The following KLHDC7A variants were observed in gnomAD, a reference collection of about 807,000 sequenced individuals.
KLHDC7A encodes the protein kelch domain containing 7A.
For missense variants in KLHDC7A, 1,123 were observed against 1,052.6 expected (o/e 1.07, Z -0.93); for synonymous variants, 464 against 461.0 (o/e 1.01, Z -0.08).
chr1:18,482,890 T>C lies in KLHDC7A; in HGVS notation c.1909T>C (p.Phe637Leu). ...GGCCACGGTGCGTGCCAAGGAAATC[T>C]TCGTCACCGGCGGCTCGCTGCGCTT... is the stretch of plus-strand genomic sequence containing the variant. Reference protein sequence around the residue: ...HTATVRAKEIFVTGGSLRFLL... With the variant: ...HTATVRAKEILVTGGSLRFLL... Residue 637 changes from phenylalanine (F) to leucine (L), a missense_variant, in exon 1 of 1, where the codon TTC becomes CTC. By Grantham distance (22) the Phe-to-Leu change is conservative. Transcript: ENST00000400664. 1 of 1,611,658 alleles carries C rather than the reference T, an allele frequency of 6.2e-7. No individual in the cohort carries two copies. Among genetic ancestry groups the C allele is most frequent in the Non-Finnish European group, 8.5e-7 (1 of 1,179,636 alleles).
rs1457634873 is a variant in KLHDC7A at position 18,484,048 on chromosome 1, C to T, written c.*733C>T. 34 of 1,303,428 alleles carry T rather than the reference C, an allele frequency of 2.6e-5. No homozygotes were observed. The highest frequency in any genetic ancestry group is 6.1e-5 in the African/African-American group (4 of 65,836). 80.7% of individuals were successfully genotyped at this position (1,303,428 alleles called of 1,614,324 possible). Reference sequence around the variant, plus strand: ...CTGGTGGAGGTCTGCTAAGGATACACGGAGGTCTCAGCAAAGGGAAGAAAC... The same window carrying T: ...CTGGTGGAGGTCTGCTAAGGATACATGGAGGTCTCAGCAAAGGGAAGAAAC... On this transcript the variant is annotated 3_prime_UTR_variant, in exon 1 of 1. Transcript: ENST00000400664.
rs775639853 is a variant in KLHDC7A at position 18,483,242 on chromosome 1, C to T, written c.2261C>T (p.Pro754Leu). 2 of 1,613,942 alleles carry T rather than the reference C, an allele frequency of 1.2e-6. No individual in the cohort carries two copies. The highest frequency in any genetic ancestry group is 1.7e-5 in the Admixed American group (1 of 60,028). The change falls in exon 1 of 1, where the codon CCG (proline) becomes CTG (leucine). Residue 754 changes from proline (P) to leucine (L), a missense_variant. Physicochemically the swap from Pro to Leu is moderately conservative, Grantham distance 98 (BLOSUM62 -3). Coordinates refer to ENST00000400664, the MANE Select transcript of KLHDC7A (RefSeq NM_152375.3). ...GTGCCCAAGGAGCTGCGGAGTTTCC[C>T]GGCCCCGCAGGGCACCCTCCTGCCC... ...RFVPKELRSFPAPQGTLLPTV... is the reference protein window; with the variant it reads ...RFVPKELRSFLAPQGTLLPTV...
Position 18,482,375 on chromosome 1 carries a change from T to C in KLHDC7A, c.1394T>C (p.Val465Ala). 6.2e-7 allele frequency: 1 copy of C among 1,604,168 alleles called. No homozygotes were observed. Among genetic ancestry groups the C allele is most frequent in the Non-Finnish European group, 8.5e-7 (1 of 1,179,932 alleles). Residue 465 changes from valine to alanine, a missense_variant, in exon 1 of 1, where the codon GTG becomes GCG. Val to Ala is a moderately conservative substitution (Grantham distance 64). Transcript: ENST00000400664. ...GTGATGAGCGAAAACTACCTGCAGG[T>C]GCTGCGCAGCCCGGACATCTACGGG... ...YKVMSENYLQVLRSPDIYGCL... is the reference protein window; with the variant it reads ...YKVMSENYLQALRSPDIYGCL...
Position 18,483,192 on chromosome 1 carries a change from A to T in KLHDC7A, c.2211A>T (p.Leu737=). 2 of 1,614,036 alleles carry T rather than the reference A, an allele frequency of 1.2e-6. No individual in the cohort carries two copies. Among genetic ancestry groups the T allele is most frequent in the Non-Finnish European group, 1.7e-6 (2 of 1,180,024 alleles). The change falls in exon 1 of 1, where the codon CTA becomes CTT. Residue 737 remains leucine (L), a synonymous_variant. Coordinates refer to ENST00000400664, the MANE Select transcript of KLHDC7A (RefSeq NM_152375.3). ...CVGRRSTLCF[L]ADSVSPRFVP... is the part of the protein sequence containing the mutation. ...GACGCCGGAGCACCCTCTGCTTCCT[A>T]GCAGACTCTGTCTCACCCAGGTTTG...
Position 18,481,418 on chromosome 1 carries a change from G to A in KLHDC7A, c.437G>A (p.Arg146Lys), listed in dbSNP as rs747667649. Residue 146 changes from arginine to lysine, a missense_variant, in exon 1 of 1, where the codon AGA (arginine) becomes AAA (lysine). Physicochemically the swap from Arg to Lys is conservative, Grantham distance 26 (BLOSUM62 2). Coordinates refer to ENST00000400664, the MANE Select transcript of KLHDC7A (RefSeq NM_152375.3). Reference protein sequence around the residue: ...VPPCCPSQETRTAVGSNPDPP... With the variant: ...VPPCCPSQETKTAVGSNPDPP... ...CCTTGCTGCCCCAGCCAGGAAACCA[G>A]AACAGCTGTTGGCAGTAACCCTGAC... is the stretch of plus-strand genomic sequence containing the variant. 3.7e-6 allele frequency: 6 copies of A among 1,613,772 alleles called. No homozygotes were observed. The highest frequency in any genetic ancestry group is 1.3e-5 in the African/African-American group (1 of 74,944).
At position 18,483,172 on chromosome 1, in the gene KLHDC7A, C is replaced by T. The variant is rs2086910853; in HGVS notation, c.2191C>T (p.Arg731Trp). The T allele has an allele frequency of 1.9e-6, 3 of 1,614,042 alleles. No homozygotes were observed. The highest frequency in any genetic ancestry group is 1.1e-5 in the South Asian group (1 of 91,080). Residue 731 changes from arginine (R) to tryptophan (W), a missense_variant, in exon 1 of 1, where the codon CGG becomes TGG. Physicochemically the swap from Arg to Trp is moderately radical, Grantham distance 101. Transcript: ENST00000400664. ...CAACCTCATCTACTGCGTGGGACGCCGGAGCACCCTCTGCTTCCTAGCAGA... is the reference window on the plus strand; with the variant it reads ...CAACCTCATCTACTGCGTGGGACGCTGGAGCACCCTCTGCTTCCTAGCAGA... ...VDNLIYCVGR[R>W]STLCFLADSV...
Position 18,483,390 on chromosome 1 carries a change from AT to A in KLHDC7A, c.*78del. 1 of 1,550,098 alleles carries A rather than the reference AT, an allele frequency of 6.5e-7. No individual in the cohort carries two copies. On this transcript the variant is annotated 3_prime_UTR_variant, in exon 1 of 1. Transcript: ENST00000400664. ...ACTGCCAGCCGTCCCTCTGGGGGCCATTTCTAGGCAAACAGGCAACCCAGGA... is the reference window on the plus strand; with the variant it reads ...ACTGCCAGCCGTCCCTCTGGGGGCCATTCTAGGCAAACAGGCAACCCAGGA...
rs1359345607 is a variant in KLHDC7A at position 18,482,479 on chromosome 1, T to G, written c.1498T>G (p.Cys500Gly). The G allele has an allele frequency of 1.2e-6, 2 of 1,611,528 alleles. No homozygotes were observed. Among genetic ancestry groups the G allele is most frequent in the African/African-American group, 2.7e-5 (2 of 75,050 alleles). Reference sequence around the variant, plus strand: ...CCAGTACCTGGTGGTGGCTGACGTGTGCCCCAAGGAAGACTCCGGCGGCCT... The same window carrying G: ...CCAGTACCTGGTGGTGGCTGACGTGGGCCCCAAGGAAGACTCCGGCGGCCT... ...GRQYLVVADVCPKEDSGGLCC... is the reference protein window; with the variant it reads ...GRQYLVVADVGPKEDSGGLCC... The change falls in exon 1 of 1, where the codon TGC becomes GGC. Residue 500 changes from cysteine to glycine, a missense_variant. Coordinates refer to ENST00000400664, the MANE Select transcript of KLHDC7A (RefSeq NM_152375.3).
Position 18,482,630 on chromosome 1 carries a change from G to A in KLHDC7A, c.1649G>A (p.Gly550Glu). The change falls in exon 1 of 1, where the codon GGG becomes GAG. Residue 550 changes from glycine (G) to glutamate (E), a missense_variant. Physicochemically the swap from Gly to Glu is moderately conservative, Grantham distance 98 (BLOSUM62 -2). Coordinates refer to ENST00000400664, the MANE Select transcript of KLHDC7A (RefSeq NM_152375.3). ...NYLFVVSGCQ[G>E]PGHQPSSRVF... ...CTCTTCGTGGTGTCCGGCTGCCAGG[G>A]GCCCGGGCACCAGCCCTCCAGCCGC... 1 of 1,608,982 alleles carries A rather than the reference G, an allele frequency of 6.2e-7. No individual in the cohort carries two copies. Among genetic ancestry groups the A allele is most frequent in the Admixed American group, 1.7e-5 (1 of 59,970 alleles).
chr1:18,482,612 T>C lies in KLHDC7A; in HGVS notation c.1631T>C (p.Val544Ala), dbSNP rs372645579. 1 of 1,610,146 alleles carries C rather than the reference T, an allele frequency of 6.2e-7. No homozygotes were observed. Among genetic ancestry groups the C allele is most frequent in the Non-Finnish European group, 8.5e-7 (1 of 1,179,446 alleles). ...TGCAGTCTCTTCAATTATCTCTTCG[T>C]GGTGTCCGGCTGCCAGGGGCCCGGG... ...AICSLFNYLF[V>A]VSGCQGPGHQ... The change falls in exon 1 of 1, where the codon GTG (valine) becomes GCG (alanine). Residue 544 changes from valine to alanine, a missense_variant. Transcript: ENST00000400664.
Position 18,481,470 on chromosome 1 carries a change from C to T in KLHDC7A, c.489C>T (p.Ser163=). ...PDPPHFPRLG[S]EPKSSPAGLI... Reference sequence around the variant, plus strand: ...CTCCCCATTTCCCCCGCTTGGGCAGCGAACCGAAGAGCTCCCCAGCTGGAC... The same window carrying T: ...CTCCCCATTTCCCCCGCTTGGGCAGTGAACCGAAGAGCTCCCCAGCTGGAC... Residue 163 remains serine (S), a synonymous_variant, in exon 1 of 1, where the codon AGC becomes AGT. Transcript: ENST00000400664. The T allele has an allele frequency of 1.2e-6, 2 of 1,613,626 alleles. No individual in the cohort carries two copies. The highest frequency in any genetic ancestry group is 1.7e-6 in the Non-Finnish European group (2 of 1,180,020).
chr1:18,485,717 C>G lies in KLHDC7A; in HGVS notation c.*2402C>G, dbSNP rs1420851569. On this transcript the variant is annotated 3_prime_UTR_variant, in exon 1 of 1. Transcript: ENST00000400664. ...GTAGCTCAAGACCTTGGAAAGACAC[C>G]CTGAGGGCACAATCGTCCTTGCAGT... The G allele has an allele frequency of 6.0e-6, 1 of 165,924 alleles. No individual in the cohort carries two copies. Among genetic ancestry groups the G allele is most frequent in the Non-Finnish European group, 1.5e-5 (1 of 67,956 alleles). 10.3% of individuals were successfully genotyped at this position (165,924 alleles called of 1,614,324 possible).
At position 18,483,061 on chromosome 1, in the gene KLHDC7A, C is replaced by T. The variant is rs766633325; in HGVS notation, c.2080C>T (p.Arg694Cys). The change falls in exon 1 of 1, where the codon CGC (arginine) becomes TGC (cysteine). Residue 694 changes from arginine (R) to cysteine (C), a missense_variant. Coordinates refer to ENST00000400664, the MANE Select transcript of KLHDC7A (RefSeq NM_152375.3). ...CCGCAGCCTGGGCATCGCCGTGTAC[C>T]GCTGCAGCGCCAGCACCCGGCTCTG... ...LNRSLGIAVYRCSASTRLWYE... is the reference protein window; with the variant it reads ...LNRSLGIAVYCCSASTRLWYE... 3 of 1,613,686 alleles carry T rather than the reference C, an allele frequency of 1.9e-6. No homozygotes were observed. In the East Asian group the frequency reaches 6.7e-5, roughly 36 times the overall value.
In KLHDC7A at chr1:18,482,561, A is replaced by C; in HGVS notation, c.1580A>C (p.Glu527Ala). ...VWRPLARMPPEAVSRGCAICS... is the reference protein window; with the variant it reads ...VWRPLARMPPAAVSRGCAICS... ...CGCCCGCTGGCTCGCATGCCCCCCG[A>C]GGCCGTGTCCCGGGGCTGTGCCATC... The change falls in exon 1 of 1, where the codon GAG becomes GCG. Residue 527 changes from glutamate to alanine, a missense_variant. By Grantham distance (107) the Glu-to-Ala change is moderately radical (BLOSUM62 -1). Transcript: ENST00000400664. The C allele has an allele frequency of 6.2e-7, 1 of 1,611,872 alleles. No homozygotes were observed. Among genetic ancestry groups the C allele is most frequent in the Non-Finnish European group, 8.5e-7 (1 of 1,179,920 alleles).
rs2086917336 is a variant in KLHDC7A, at chr1:18,483,924, A to G, written c.*609A>G. On this transcript the variant is annotated 3_prime_UTR_variant, in exon 1 of 1. Transcript: ENST00000400664. The stretch of plus-strand genomic sequence containing the variant: ...AAGTAGAACAGCTGAAGCTGGGGCC[A>G]GCCTAGGAGACTCTTGCTTGCGAGA... 3 of 1,303,692 alleles carry G rather than the reference A, an allele frequency of 2.3e-6. No individual in the cohort carries two copies. The highest frequency in any genetic ancestry group is 3.0e-6 in the Non-Finnish European group (3 of 988,708). 80.8% of individuals were successfully genotyped at this position (1,303,692 alleles called of 1,614,324 possible). A position where few individuals can be genotyped will look rare whatever the true frequency, so the allele number is the denominator to read the frequency against.
Position 18,481,932 on chromosome 1 carries a change from A to T in KLHDC7A, c.951A>T (p.Pro317=), listed in dbSNP as rs2086893348. 1 of 1,613,188 alleles carries T rather than the reference A, an allele frequency of 6.2e-7. No individual in the cohort carries two copies. Among genetic ancestry groups the T allele is most frequent in the Admixed American group, 1.7e-5 (1 of 60,000 alleles). The part of the protein sequence containing the change: ...APRTAALTEV[P]SPRPPPGSLG... ...GGACAGCAGCCCTGACTGAGGTTCCATCCCCTAGGCCACCGCCAGGGTCCC... is the reference window on the plus strand; with the variant it reads ...GGACAGCAGCCCTGACTGAGGTTCCTTCCCCTAGGCCACCGCCAGGGTCCC... Residue 317 remains proline, a synonymous_variant, in exon 1 of 1, where the codon CCA becomes CCT. Transcript: ENST00000400664.
chr1:18,483,086 G>A lies in KLHDC7A; in HGVS notation c.2105G>A (p.Trp702Ter). Reference protein sequence around the residue: ...VYRCSASTRLWYECATYRTPY... With the variant: ...VYRCSASTRL The stretch of plus-strand genomic sequence containing the variant: ...CGCTGCAGCGCCAGCACCCGGCTCT[G>A]GTACGAGTGCGCCACGTACCGGACG... The change falls in exon 1 of 1, where the codon TGG becomes TAG. Residue 702 changes from tryptophan (W) to a stop codon, truncating the protein, a stop_gained. Transcript: ENST00000400664. LOFTEE classifies it low-confidence loss of function (END_TRUNC). The A allele has an allele frequency of 1.2e-6, 2 of 1,613,786 alleles. No homozygotes were observed. Among genetic ancestry groups the A allele is most frequent in the Non-Finnish European group, 1.7e-6 (2 of 1,180,002 alleles).
chr1:18,483,915 GC>G lies in KLHDC7A; in HGVS notation c.*601del. ...TGGTTTGAAAAGTAGAACAGCTGAA[GC>G]TGGGGCCAGCCTAGGAGACTCTTGC... On this transcript the variant is annotated 3_prime_UTR_variant, in exon 1 of 1. Coordinates refer to ENST00000400664, the MANE Select transcript of KLHDC7A (RefSeq NM_152375.3). 7.7e-7 allele frequency: 1 copy of G among 1,303,364 alleles called. No homozygotes were observed. The highest frequency in any genetic ancestry group is 1.0e-6 in the Non-Finnish European group (1 of 988,546). 80.7% of individuals were successfully genotyped at this position (1,303,364 alleles called of 1,614,324 possible). A position where few individuals can be genotyped will look rare whatever the true frequency, so the allele number is the denominator to read the frequency against.
chr1:18,482,316 G>A lies in KLHDC7A; in HGVS notation c.1335G>A (p.Gln445=). 2.5e-6 allele frequency: 4 copies of A among 1,602,128 alleles called. No homozygotes were observed. Among genetic ancestry groups the A allele is most frequent in the Non-Finnish European group, 3.4e-6 (4 of 1,179,950 alleles). The part of the protein sequence containing the change: ...CYEVLTLAKR[Q]NLEALKEAAY... ...AGGTGCTGACCTTGGCCAAGAGGCA[G>A]AACCTGGAGGCCCTGAAAGAGGCGG... The change falls in exon 1 of 1, where the codon CAG becomes CAA. Residue 445 remains glutamine, a synonymous_variant. Coordinates refer to ENST00000400664, the MANE Select transcript of KLHDC7A (RefSeq NM_152375.3).
Sources: allele counts gnomAD v4.1 joint callset, GRCh38; gene constraint gnomAD v4.1.1; transcripts MANE v1.5; gene names NCBI Gene and HGNC (gene_info 2026-07-23, HGNC 2026-07-21).